Variants in KCND2 observed in about 807,000 individuals in gnomAD.
KCND2 encodes the protein potassium voltage-gated channel subfamily D member 2, also known as A-type voltage-gated potassium channel KCND2.
KCND2 carries 16 observed loss-of-function variants against 54.4 expected under a neutral mutation model. The ratio of observed to expected loss-of-function variants is 0.29; its 90% CI spans 0.20 to 0.45. KCND2 has a LOEUF of 0.45. Ranked by LOEUF, KCND2 falls within the 20% of genes least tolerant of loss-of-function variation. The pLI, the probability that KCND2 is intolerant of heterozygous loss-of-function variation, is 1.00. For synonymous variants in KCND2, 317 were observed against 310.7 expected (o/e 1.02, Z -0.21); for missense variants, 486 against 824.2 (o/e 0.59, Z 5.02).
At chr7:120,440,231 C>T (rs1452881510) in intron 1 of KCND2, among the ~76,000 whole-genome samples, 5 of 151,910 alleles carry the variant, frequency 3.3e-5, no homozygotes, top group East Asian at 3.8e-4. Context: ...TCTTGACTTG[C>T]GTTTCTCTGA....
At chr7:120,354,899 T>A (rs1326546566) in intron 1 of KCND2, among the ~76,000 whole-genome samples, 1 of 152,268 alleles carries the variant, frequency 6.6e-6, no homozygotes, top group Non-Finnish European at 1.5e-5. Context: ...TATACTATTC[T>A]TCAGCTTTGA....
At chr7:120,454,818 A>G (rs943481830) in intron 1 of KCND2, among the ~76,000 whole-genome samples, 6 of 152,222 alleles carry the variant, frequency 3.9e-5, no homozygotes, top group Admixed American at 3.3e-4. Context: ...AGATCTTTAT[A>G]AGCCACTTCA....
At chr7:120,488,745 T>C (rs938347888) in intron 1 of KCND2, among the ~76,000 whole-genome samples, 8 of 152,106 alleles carry the variant, frequency 5.3e-5, no homozygotes, top group African/African-American at 1.9e-4. Context: ...GTCTTTTTGG[T>C]TCATTTTTTT....
At chr7:120,673,439 A>G (rs1299567773) in intron 1 of KCND2, among the ~76,000 whole-genome samples, 1 of 152,066 alleles carries the variant, frequency 6.6e-6, no homozygotes, top group Non-Finnish European at 1.5e-5. Flanking sequence ...CAGCTTCCCA[A>G]CCAGTTTCCC....
chr7:120,362,594 C>T (rs1197474753), intron 1 of KCND2, among the ~76,000 whole-genome samples: 1 of 152,046 alleles, frequency 6.6e-6, no homozygotes, highest in African/African-American at 2.4e-5. Context: ...CATGCTCTAA[C>T]AGCTTACAGG....
intron 1 of KCND2, among the ~76,000 whole-genome samples, chr7:120,566,426 T>G (rs949360560): frequency 6.6e-6 from 1 of 152,114 alleles, no homozygotes; most frequent in African/African-American, 2.4e-5. Context: ...TGTTGCAGCC[T>G]CCACCTCCCA....
intron 1 of KCND2, among the ~76,000 whole-genome samples, chr7:120,361,613 T>A (rs1800593751): frequency 6.6e-6 from 1 of 152,044 alleles, no homozygotes. Context: ...GTGAGTGAGT[T>A]GCATGTTAAG....
chr7:120,372,715 T>A (rs980779548), intron 1 of KCND2, among the ~76,000 whole-genome samples: 3 of 151,880 alleles, frequency 2.0e-5, no homozygotes, highest in African/African-American at 4.8e-5. Context: ...ACACAAATAA[T>A]CAAAACTGTG....
chr7:120,465,925 G>A (rs940542810), intron 1 of KCND2, among the ~76,000 whole-genome samples: 5 of 152,142 alleles, frequency 3.3e-5, no homozygotes, highest in South Asian at 4.1e-4. Context: ...TTGACCTGGA[G>A]GGAAATGAGT....
rs1461073511 is a variant in KCND2 at position 120,748,307 on chromosome 7, T to G, written c.*449T>G. The G allele has an allele frequency of 1.3e-5, 2 of 159,368 alleles. No homozygotes were observed. Among genetic ancestry groups the G allele is most frequent in the Non-Finnish European group, 2.8e-5 (2 of 72,458 alleles). The allele number at this position is 159,368 out of a possible 1,614,324, so 9.9% of individuals were successfully genotyped here. ...GAAAAAAAAACTCACACAACATATT[T>G]GTATTGACTGAAGGAAACCATCATA... On this transcript the variant is annotated 3_prime_UTR_variant, in exon 6 of 6. Coordinates refer to ENST00000331113, the MANE Select transcript of KCND2 (RefSeq NM_012281.3).
intron 1 of KCND2, among the ~76,000 whole-genome samples, chr7:120,481,807 G>A (rs924734217): frequency 1.3e-5 from 2 of 152,152 alleles, no homozygotes; most frequent in Non-Finnish European, 2.9e-5. Context: ...AATTCTGCAG[G>A]CATGCAGAAT....
intron 2 of KCND2, among the ~76,000 whole-genome samples, chr7:120,739,410 A>G (rs1432465899): frequency 6.6e-6 from 1 of 152,044 alleles, no homozygotes; most frequent in Non-Finnish European, 1.5e-5. Context: ...TTCACTTGCT[A>G]CTGTTTCACT....
At chr7:120,298,767 G>A (rs561312308) in intron 1 of KCND2, among the ~76,000 whole-genome samples, 1 of 152,200 alleles carries the variant, frequency 6.6e-6, no homozygotes, top group South Asian at 2.1e-4. Flanking sequence ...ATGCAAATTA[G>A]TAATATTTGA....
intron 1 of KCND2, among the ~76,000 whole-genome samples, chr7:120,357,582 C>T (rs1456885529): frequency 6.6e-6 from 1 of 151,954 alleles, no homozygotes; most frequent in Non-Finnish European, 1.5e-5. Context: ...TTCATGCACT[C>T]CAGAGGATCA....
At chr7:120,552,637 C>T (rs1031525252) in intron 1 of KCND2, among the ~76,000 whole-genome samples, 1 of 152,214 alleles carries the variant, frequency 6.6e-6, no homozygotes, top group East Asian at 1.9e-4. Context: ...CATCGGGATT[C>T]CTCCTGGTGT....
chr7:120,713,655 C>T lies in KCND2; in HGVS notation c.1116-19248C>T, dbSNP rs552085553. ...ACATGAATAGTGACAAGTGCCTCCA[C>T]GTAAAACCGCCACTCAAATGATCCT... On this transcript the variant is annotated intron_variant, in intron 1 of 5. Coordinates refer to ENST00000331113, the MANE Select transcript of KCND2 (RefSeq NM_012281.3). 5.6e-4 allele frequency among the ~76,000 whole-genome samples: 86 copies of T among 152,272 alleles called. 2 individuals carry two copies. In the Middle Eastern group the frequency reaches 0.037, roughly 66 times the overall value.
At chr7:120,542,846 G>A (rs1054888248) in intron 1 of KCND2, among the ~76,000 whole-genome samples, 1 of 152,080 alleles carries the variant, frequency 6.6e-6, no homozygotes, top group African/African-American at 2.4e-5. Context: ...ACTATTTATT[G>A]CTCACTTGCT....
At chr7:120,635,868 C>T (rs944042923) in intron 1 of KCND2, among the ~76,000 whole-genome samples, 1 of 152,018 alleles carries the variant, frequency 6.6e-6, no homozygotes, top group Admixed American at 6.6e-5. Flanking sequence ...CTTAAAGTCT[C>T]CAAGAACAAT....
intron 1 of KCND2, among the ~76,000 whole-genome samples, chr7:120,505,316 A>G (rs1349584036): frequency 2.0e-5 from 3 of 151,634 alleles, no homozygotes; most frequent in African/African-American, 7.3e-5. Context: ...TCAAAAGCAA[A>G]TCTCAGGGCA....
Sources: gnomAD v4.1 joint callset for allele counts (sites outside exome capture counted in the v4.1 genomes callset) on GRCh38, gnomAD v4.1.1 for gene constraint, MANE v1.5 for transcripts, NCBI Gene and HGNC (gene_info 2026-07-23, HGNC 2026-07-21) for gene names.